The following SYMPK variants were observed in gnomAD, a reference collection of about 807,000 sequenced individuals.
SYMPK encodes the protein symplekin.
Under a neutral mutation model 136.4 loss-of-function variants are expected in SYMPK, and 49 were observed. The observed-to-expected ratio is 0.36, with a 90% CI of 0.29 to 0.46. The LOEUF (loss-of-function observed/expected upper bound fraction) is 0.46. SYMPK is among the 20% of genes least tolerant of loss of function. SYMPK has a pLI of 1.00. For synonymous variants in SYMPK, 766 were observed against 713.0 expected (o/e 1.07, Z -1.19); for missense variants, 1,365 against 1,690.0 (o/e 0.81, Z 3.37).
chr19:45,823,586 C>A, intron 19 of SYMPK, 114 bp from the exon 20 acceptor site: 1 of 1,077,528 alleles, frequency 9.3e-7, no homozygotes, highest in East Asian at 2.5e-5. Context: ...CAACTTCACC[C>A]TTGGCTGCTC....
At chr19:45,820,070 C>G (rs1970853280) in intron 22 of SYMPK, 1 of 152,468 alleles carries the variant, frequency 6.6e-6, no homozygotes, top group East Asian at 1.9e-4. Flanking sequence ...GGCCAAGGAT[C>G]TTCAGGGGCC....
At chr19:45,854,528 G>C (rs763973169) in intron 1 of SYMPK, 21 bp from the exon 2 acceptor site, 6 of 1,599,126 alleles carry the variant, frequency 3.8e-6, no homozygotes, top group Non-Finnish European at 5.1e-6. Flanking sequence ...GGAAAGAAGA[G>C]GATGGATCAA....
intron 1 of SYMPK, among the ~76,000 whole-genome samples, chr19:45,857,392 A>T (rs1197857921): frequency 2.3e-5 from 3 of 127,854 alleles, no homozygotes; most frequent in Non-Finnish European, 4.9e-5. Flanking sequence ...CCTGGGCGAC[A>T]GAGTGAGACT....
intron 16 of SYMPK, among the ~76,000 whole-genome samples, chr19:45,827,132 CA>C (rs1388353899): frequency 2.0e-5 from 3 of 152,180 alleles, no homozygotes; most frequent in African/African-American, 4.8e-5. Flanking sequence ...TGGCTGAGGC[CA>C]CACCGGCTCC....
At position 45,827,495 on chromosome 19, in the gene SYMPK, G is replaced by C; in HGVS notation, c.2181+15C>G. 1 of 1,600,490 alleles carries C rather than the reference G, an allele frequency of 6.2e-7. No individual in the cohort carries two copies. Among genetic ancestry groups the C allele is most frequent in the South Asian group, 1.1e-5 (1 of 90,720 alleles). On this transcript the variant is annotated intron_variant, in intron 16 of 26. Transcript: ENST00000245934. ...TGCAGGCTGAGGGCAGCCAGGAAGTGGAGGAGGGGATCACCTTGTCCTTCT... is the reference window on the plus strand; with the variant it reads ...TGCAGGCTGAGGGCAGCCAGGAAGTCGAGGAGGGGATCACCTTGTCCTTCT...
rs1344449456 is a variant in SYMPK at position 45,821,879 on chromosome 19, G to C, written c.2792-394C>G. On this transcript the variant is annotated intron_variant, in intron 21 of 26. Transcript: ENST00000245934. This position sits in a 1 kb window ranked among gnomAD's most constrained non-coding sequence, Gnocchi z 4.4. Reference sequence around the variant, plus strand: ...CAGGGCAAGATGGAGCCAGGCTACAGGCTTCCAAAAAGTGGCTGGAGCCTT... The same window carrying C: ...CAGGGCAAGATGGAGCCAGGCTACACGCTTCCAAAAAGTGGCTGGAGCCTT... 6.6e-6 allele frequency among the ~76,000 whole-genome samples: 1 copy of C among 152,174 alleles called. No homozygotes were observed. The highest frequency in any genetic ancestry group is 6.5e-5 in the Admixed American group (1 of 15,272).
In SYMPK at chr19:45,835,177, C is replaced by A; in HGVS notation, c.1294G>T (p.Ala432Ser). ...GCTGACTCCACGGGGGTGTAGATGGCCTGGAAGGAGGCTGGCATGGCCTCG... is the reference window on the plus strand; with the variant it reads ...GCTGACTCCACGGGGGTGTAGATGGACTGGAAGGAGGCTGGCATGGCCTCG... ...LPEAMPASFQ[A>S]IYTPVESAGT... is the part of the protein sequence containing the mutation. Residue 432 changes from alanine (A) to serine (S), a missense_variant, in exon 11 of 27, where the codon GCC (alanine) becomes TCC (serine). Ala to Ser is a moderately conservative substitution (Grantham distance 99). Around this residue, in one of 11 missense-constraint regions of SYMPK, gnomAD observed 15 missense variants for 61.4 expected, o/e 0.24. Transcript: ENST00000245934. The A allele has an allele frequency of 6.2e-7, 1 of 1,612,728 alleles. No homozygotes were observed. Among genetic ancestry groups the A allele is most frequent in the Non-Finnish European group, 8.5e-7 (1 of 1,179,272 alleles).
At chr19:45,828,212 G>T in intron 14 of SYMPK, 1 of 362,914 alleles carries the variant, frequency 2.8e-6, no homozygotes, top group Non-Finnish European at 5.2e-6. Flanking sequence ...GGTGGAGAAG[G>T]GTGTGGGTAT....
Position 45,818,091 on chromosome 19 carries a change from C to G in SYMPK, c.2949G>C (p.Val983=), listed in dbSNP as rs1344471541. 2.6e-6 allele frequency: 4 copies of G among 1,558,060 alleles called. No homozygotes were observed. Among genetic ancestry groups the G allele is most frequent in the Non-Finnish European group, 2.6e-6 (3 of 1,150,906 alleles). The change falls in exon 23 of 27, where the codon GTG becomes GTC. Residue 983 remains valine (V), a synonymous_variant. Transcript: ENST00000245934. Reference sequence around the variant, plus strand: ...TCTGCTCCATCAGCTGCTGCATCACCACGGCCAGCACCTCTGACGTGTACA... The same window carrying G: ...TCTGCTCCATCAGCTGCTGCATCACGACGGCCAGCACCTCTGACGTGTACA... ...RNVYTSEVLA[V]VMQQLMEQSP...
chr19:45,815,524 A>T lies in SYMPK; in HGVS notation c.*36T>A. 3.7e-6 allele frequency: 3 copies of T among 814,532 alleles called. No homozygotes were observed. The highest frequency in any genetic ancestry group is 5.4e-6 in the Non-Finnish European group (3 of 558,964). The allele number at this position is 814,532 out of a possible 1,614,324, so 50.5% of individuals were successfully genotyped here. A position where few individuals can be genotyped will look rare whatever the true frequency, so the allele number is the denominator to read the frequency against. On this transcript the variant is annotated 3_prime_UTR_variant, in exon 27 of 27. Coordinates refer to ENST00000245934, the MANE Select transcript of SYMPK (RefSeq NM_004819.3). ...AGCCCCGCCCCGTCCCCCAGCCCCGAGTCCCTGTCCCACCCCCTTTCCCCC... is the reference window on the plus strand; with the variant it reads ...AGCCCCGCCCCGTCCCCCAGCCCCGTGTCCCTGTCCCACCCCCTTTCCCCC...
At chr19:45,833,557 G>A (rs182284246) in intron 11 of SYMPK, among the ~76,000 whole-genome samples, 32 of 150,496 alleles carry the variant, frequency 2.1e-4, no homozygotes, top group South Asian at 1.7e-3. Context: ...AGCTGAGATC[G>A]TGCCATTGCA....
chr19:45,833,853 T>A (rs1342214276), intron 11 of SYMPK, among the ~76,000 whole-genome samples: 1 of 152,152 alleles, frequency 6.6e-6, no homozygotes, highest in Non-Finnish European at 1.5e-5. Context: ...TGAACAAAAT[T>A]ATTAAGAAAT....
At chr19:45,844,830 A>T (rs369958149) in intron 7 of SYMPK, among the ~76,000 whole-genome samples, 2 of 152,312 alleles carry the variant, frequency 1.3e-5, no homozygotes, top group South Asian at 4.1e-4. Flanking sequence ...ACTTTGGTGG[A>T]TATCTTTCCA....
In SYMPK at chr19:45,830,169, C is replaced by T. The variant is rs760504016; in HGVS notation, c.1634G>A (p.Arg545His). 11 of 1,609,562 alleles carry T rather than the reference C, an allele frequency of 6.8e-6. No homozygotes were observed. The highest frequency in any genetic ancestry group is 2.2e-5 in the East Asian group (1 of 44,740). ...AAGGGGCTTCAGCACGTCGCTGAGA[C>T]GGAAAATTTTCTTGCGCCCACCAGC... ...AGAGGRKKIF[R>H]LSDVLKPLTD... is the part of the protein sequence containing the mutation. Residue 545 changes from arginine to histidine, a missense_variant, in exon 13 of 27, where the codon CGT becomes CAT. This residue lies in a region of SYMPK where 303 missense variants were observed against 326.6 expected (regional missense o/e 0.93). Transcript: ENST00000245934.
At chr19:45,833,556 C>A (rs551929654) in intron 11 of SYMPK, among the ~76,000 whole-genome samples, 1 of 150,276 alleles carries the variant, frequency 6.7e-6, no homozygotes, top group African/African-American at 2.4e-5. Context: ...GAGCTGAGAT[C>A]GTGCCATTGC....
intron 9 of SYMPK, among the ~76,000 whole-genome samples, chr19:45,840,768 G>A (rs565534523): frequency 7.2e-5 from 11 of 151,878 alleles, no homozygotes; most frequent in South Asian, 2.1e-4. Flanking sequence ...GCTTGAACCC[G>A]GGAGACAGAG....
intron 24 of SYMPK, 32 bp from the exon 25 acceptor site, chr19:45,816,609 G>A (rs1970747519): frequency 6.8e-6 from 11 of 1,612,068 alleles, no homozygotes; most frequent in South Asian, 6.6e-5. Context: ...GGCGCTGGGG[G>A]CAGCTCTGGC....
rs747279995 is a variant in SYMPK at position 45,842,331 on chromosome 19, C to T, written c.1006G>A (p.Ala336Thr). Reference protein sequence around the residue: ...VDLGTPQAEIARNMPSSKDTR... With the variant: ...VDLGTPQAEITRNMPSSKDTR... ...TCCTTGCTGCTCGGCATGTTGCGGG[C>T]GATCTCGGCCTGAGGTGTGCCCAGG... The change falls in exon 9 of 27, where the codon GCC becomes ACC. Residue 336 changes from alanine (A) to threonine (T), a missense_variant. Around this residue, in one of 11 missense-constraint regions of SYMPK, gnomAD observed 111 missense variants for 141.2 expected, o/e 0.79. Coordinates refer to ENST00000245934, the MANE Select transcript of SYMPK (RefSeq NM_004819.3). 17 of 1,614,060 alleles carry T rather than the reference C, an allele frequency of 1.1e-5. No homozygotes were observed. The highest frequency in any genetic ancestry group is 4.4e-5 in the South Asian group (4 of 91,088).
chr19:45,851,294 T>C (rs987045485), intron 5 of SYMPK, among the ~76,000 whole-genome samples: 12 of 152,178 alleles, frequency 7.9e-5, no homozygotes, highest in Non-Finnish European at 4.4e-5. Context: ...AGCTGATTTT[T>C]GCTGGGCGTC....
Sources: gnomAD v4.1 joint callset for allele counts (sites outside exome capture counted in the v4.1 genomes callset) on GRCh38, gnomAD v4.1.1 for gene constraint, gnomAD v4.1.1 regional missense constraint, Gnocchi (gnomAD v3.1) non-coding constraint, MANE v1.5 for transcripts, NCBI Gene and HGNC (gene_info 2026-07-23, HGNC 2026-07-21) for gene names.